The following CDH4 variants were observed in gnomAD, a reference collection of about 807,000 sequenced individuals.
The protein encoded by CDH4 is cadherin 4, also known as cadherin-4.
In CDH4, 33 loss-of-function variants were observed where a neutral mutation model predicts 86.0. The ratio of observed to expected loss-of-function variants is 0.38; its 90% confidence interval spans 0.29 to 0.51. The LOEUF (loss-of-function observed/expected upper bound fraction) is 0.51, where lower values mean the gene tolerates loss of function less well. Ranked by LOEUF, CDH4 falls within the 20% of genes least tolerant of loss-of-function variation. The pLI is 0.86. For missense variants in CDH4, 1,114 were observed against 1,307.4 expected (o/e 0.85, Z 2.28); for synonymous variants, 555 against 549.4 (o/e 1.01, Z -0.14).
chr20:61,634,359 C>T (rs559284556), intron 2 of CDH4, among the ~76,000 whole-genome samples: 3 of 152,304 alleles, frequency 2.0e-5, no homozygotes, highest in East Asian at 1.9e-4. Flanking sequence ...GAGACAGTCC[C>T]GTGGAGCTCG....
chr20:61,653,534 CT>C (rs2087149338), intron 2 of CDH4, among the ~76,000 whole-genome samples: 1 of 142,174 alleles, frequency 7.0e-6, no homozygotes, highest in Non-Finnish European at 1.6e-5. Flanking sequence ...CGCCCCTCAC[CT>C]CCCGGACGGG....
At position 61,631,348 on chromosome 20, in the gene CDH4, AAAGTGGG is replaced by A. The variant is rs1476469048; in HGVS notation, c.170-112214_170-112208del. On this transcript the variant is annotated intron_variant, in intron 2 of 15. Transcript: ENST00000614565. The stretch of plus-strand genomic sequence containing the variant: ...CGGTGGGGCTTGGTTGCTTTGTTTA[AAAGTGGG>A]GCCATGGCTGGGTGCAGTGGCTCAC... Among the ~76,000 whole-genome samples the A allele has an allele frequency of 2.6e-5, 4 of 152,324 alleles. No homozygotes were observed. The East Asian group carries it at 7.7e-4, about 29-fold the overall frequency.
At chr20:61,798,399 G>GCTGT (rs1979658613) in intron 4 of CDH4, among the ~76,000 whole-genome samples, 1 of 152,192 alleles carries the variant, frequency 6.6e-6, no homozygotes, top group African/African-American at 2.4e-5. Flanking sequence ...CAGCCCGTCC[G>GCTGT]GACCCTCCGC....
chr20:61,428,582 A>G (rs757002888), intron 2 of CDH4, among the ~76,000 whole-genome samples: 9 of 152,216 alleles, frequency 5.9e-5, no homozygotes, highest in Non-Finnish European at 1.2e-4. Flanking sequence ...GCAGTGTTCA[A>G]TAAGAACAAA....
chr20:61,555,805 C>A (rs529267353), intron 2 of CDH4, among the ~76,000 whole-genome samples: 16 of 152,298 alleles, frequency 1.1e-4, no homozygotes, highest in Non-Finnish European at 1.9e-4. Flanking sequence ...TTCATACCTA[C>A]CTTTAAGGAG....
chr20:61,414,738 G>C (rs2252688), intron 2 of CDH4, among the ~76,000 whole-genome samples: 16 of 152,204 alleles, frequency 1.1e-4, no homozygotes, highest in African/African-American at 3.6e-4. Context: ...ATTCCGATTA[G>C]AGCTGCACTC....
chr20:61,302,558 G>A (rs543877623), intron 2 of CDH4, among the ~76,000 whole-genome samples: 213 of 152,062 alleles, frequency 1.4e-3, no homozygotes, highest in African/African-American at 5.0e-3. Context: ...TTGGGGGTGG[G>A]GGCAGGGAAT....
At chr20:61,817,527 C>A (rs772606430) in intron 4 of CDH4, among the ~76,000 whole-genome samples, 1 of 151,954 alleles carries the variant, frequency 6.6e-6, no homozygotes, top group Non-Finnish European at 1.5e-5. Flanking sequence ...TTTTAAGAGA[C>A]CTCGTTCTAT....
At chr20:61,535,441 A>C (rs1223909768) in intron 2 of CDH4, among the ~76,000 whole-genome samples, 2 of 152,268 alleles carry the variant, frequency 1.3e-5, no homozygotes, top group Admixed American at 1.3e-4. Context: ...TTGTCGAGGC[A>C]GTTGCTGACA....
At chr20:61,555,622 G>A (rs1471755303) in intron 2 of CDH4, among the ~76,000 whole-genome samples, 1 of 152,186 alleles carries the variant, frequency 6.6e-6, no homozygotes, top group African/African-American at 2.4e-5. Flanking sequence ...CGGATTTGAT[G>A]TGATGAATCA....
intron 8 of CDH4, among the ~76,000 whole-genome samples, chr20:61,906,153 G>C (rs1012167092): frequency 6.6e-6 from 1 of 152,236 alleles, no homozygotes; most frequent in African/African-American, 2.4e-5. Flanking sequence ...AGTTATTGAG[G>C]CGGGGGCCTC....
intron 2 of CDH4, among the ~76,000 whole-genome samples, chr20:61,464,196 G>A (rs1046345185): frequency 1.3e-5 from 2 of 152,254 alleles, no homozygotes; most frequent in Middle Eastern, 6.8e-3. Context: ...AGGTGCTGGG[G>A]GCTGGGCAAA....
Position 61,388,750 on chromosome 20 carries a change from G to A in CDH4, c.169+133813G>A, listed in dbSNP as rs553830504. 7.9e-5 allele frequency among the ~76,000 whole-genome samples: 12 copies of A among 152,302 alleles called. No individual in the cohort carries two copies. The South Asian group carries it at 1.0e-3, about 13-fold the overall frequency. On this transcript the variant is annotated intron_variant, in intron 2 of 15. Transcript: ENST00000614565. ...TTTGTGTATACATGTGTATGCGTGC[G>A]CAAATACATGAGTTACATTTTTATC...
chr20:61,635,776 A>G (rs1600827041), intron 2 of CDH4, among the ~76,000 whole-genome samples: 1 of 152,192 alleles, frequency 6.6e-6, no homozygotes, highest in African/African-American at 2.4e-5. Context: ...TAGGGCTGCA[A>G]GCACGTCTTC....
chr20:61,527,546 G>A (rs1038216616), intron 2 of CDH4, among the ~76,000 whole-genome samples: 31 of 152,206 alleles, frequency 2.0e-4, no homozygotes, highest in Non-Finnish European at 3.2e-4. Flanking sequence ...CACCGCGTCC[G>A]GCCACTATAT....
chr20:61,474,778 A>C (rs926288656), intron 2 of CDH4, among the ~76,000 whole-genome samples: 1 of 151,546 alleles, frequency 6.6e-6, no homozygotes, highest in Non-Finnish European at 1.5e-5. Flanking sequence ...TATATGTTCT[A>C]TTAAGGAAAT....
intron 2 of CDH4, among the ~76,000 whole-genome samples, chr20:61,285,535 G>A (rs2084288733): frequency 1.3e-5 from 2 of 152,234 alleles, no homozygotes; most frequent in African/African-American, 2.4e-5. Flanking sequence ...CGGCCCCTCC[G>A]AGCCTGCCAC....
chr20:61,499,702 G>A (rs565399113), intron 2 of CDH4, among the ~76,000 whole-genome samples: 5 of 152,278 alleles, frequency 3.3e-5, no homozygotes, highest in East Asian at 1.9e-4. Context: ...GCAGGAACAC[G>A]GGGGTGTCAA....
intron 2 of CDH4, among the ~76,000 whole-genome samples, chr20:61,537,829 A>G (rs1269113808): frequency 1.3e-5 from 2 of 152,204 alleles, no homozygotes; most frequent in African/African-American, 4.8e-5. Flanking sequence ...CTAGGAGAGA[A>G]TGGTCCCCTT....
Sources: gnomAD v4.1 joint callset for allele counts (sites outside exome capture counted in the v4.1 genomes callset) on GRCh38, gnomAD v4.1.1 for gene constraint, MANE v1.5 for transcripts, NCBI Gene and HGNC (gene_info 2026-07-23, HGNC 2026-07-21) for gene names.